DOCK1: variants seen among roughly 807,000 people sequenced by gnomAD.
DOCK1 encodes the protein dedicator of cytokinesis 1, also known as dedicator of cytokinesis protein 1.
In DOCK1, 138 loss-of-function variants were observed where a neutral mutation model predicts 262.7. The ratio of observed to expected loss-of-function variants is 0.53; its 90% CI spans 0.46 to 0.61. The LOEUF (loss-of-function observed/expected upper bound fraction) is 0.61, where lower values mean the gene tolerates loss of function less well. Among genes scored for constraint, DOCK1 ranks in the 20% least tolerant of loss-of-function variants. The pLI, the probability that DOCK1 is intolerant of heterozygous loss-of-function variation, is 0.00. For missense variants in DOCK1, 1,908 were observed against 2,370.7 expected, an observed-to-expected ratio of 0.80 and a Z score of 4.05; for synonymous variants, 866 against 867.4, an observed-to-expected ratio of 1.00 and a Z score of 0.03.
intron 3 of DOCK1, among the ~76,000 whole-genome samples, chr10:126,980,913 T>C (rs2038918642): frequency 1.3e-5 from 2 of 151,868 alleles, no homozygotes; most frequent in Admixed American, 1.3e-4. Context: ...AGTAAGGGAG[T>C]TATTTTGCTT....
intron 1 of DOCK1, among the ~76,000 whole-genome samples, chr10:126,955,592 G>A (rs1256567227): frequency 2.0e-5 from 3 of 152,130 alleles, no homozygotes; most frequent in Non-Finnish European, 4.4e-5. Flanking sequence ...GGGAAGACAG[G>A]CTGGCGCTGT....
At chr10:127,349,873 A>C (rs929546827) in intron 31 of DOCK1, among the ~76,000 whole-genome samples, 21 of 151,436 alleles carry the variant, frequency 1.4e-4, no homozygotes, top group Non-Finnish European at 2.5e-4. Flanking sequence ...GTGTCTCTCA[A>C]TCTCCCTCTC....
chr10:127,174,751 TAAGC>T (rs547839838), intron 27 of DOCK1, among the ~76,000 whole-genome samples: 109 of 152,356 alleles, frequency 7.2e-4, no homozygotes, highest in African/African-American at 2.5e-3. Flanking sequence ...TTATTTATTA[TAAGC>T]AAGTCAGCAT....
intron 1 of DOCK1, among the ~76,000 whole-genome samples, chr10:126,940,624 G>A (rs1199913998): frequency 6.6e-6 from 1 of 152,032 alleles, no homozygotes; most frequent in South Asian, 2.1e-4. Context: ...GGCTAGTCTC[G>A]AACTCCTGAC....
chr10:127,072,381 A>G (rs983231488), intron 23 of DOCK1, among the ~76,000 whole-genome samples: 2 of 152,216 alleles, frequency 1.3e-5, no homozygotes, highest in Non-Finnish European at 2.9e-5. Flanking sequence ...GCAGGCGTGA[A>G]CTCAGTAACC....
chr10:127,034,028 A>T (rs936436639), intron 18 of DOCK1, among the ~76,000 whole-genome samples: 1 of 152,180 alleles, frequency 6.6e-6, no homozygotes, highest in Non-Finnish European at 1.5e-5. Flanking sequence ...CTCCATGAGC[A>T]TATGAAAAGC....
At chr10:127,275,348 G>A (rs1021390750) in intron 29 of DOCK1, among the ~76,000 whole-genome samples, 4 of 152,186 alleles carry the variant, frequency 2.6e-5, no homozygotes, top group South Asian at 2.1e-4. Context: ...TGGCCACATA[G>A]TGGTCACTGC....
At position 127,042,977 on chromosome 10, in the gene DOCK1, AAC is replaced by A. The variant is rs145458827; in HGVS notation, c.2101-83_2101-82del. 7.7e-4 allele frequency: 827 copies of A among 1,079,692 alleles called. 4 individuals carry two copies. In the African/African-American group the frequency reaches 0.011, roughly 15 times the overall value. 66.9% of individuals were successfully genotyped at this position (1,079,692 alleles called of 1,614,324 possible). A position where few individuals can be genotyped will look rare whatever the true frequency, so the allele number is the denominator to read the frequency against. On this transcript the variant is annotated intron_variant, in intron 20 of 51. Coordinates refer to ENST00000623213, the MANE Select transcript of DOCK1 (RefSeq NM_001290223.2). Reference sequence around the variant, plus strand: ...CTGAAAATGTTATGGTTCATATCCTAACACAGGGGTGCAGATGGTTCTGATGA... The same window carrying A: ...CTGAAAATGTTATGGTTCATATCCTAACAGGGGTGCAGATGGTTCTGATGA...
At chr10:127,434,786 G>T (rs2134669624) in intron 48 of DOCK1, among the ~76,000 whole-genome samples, 1 of 151,996 alleles carries the variant, frequency 6.6e-6, no homozygotes, top group African/African-American at 2.4e-5. Flanking sequence ...CCAAGTAGCT[G>T]GGCCTACAGG....
At chr10:127,435,964 C>T (rs2069658432) in intron 48 of DOCK1, among the ~76,000 whole-genome samples, 1 of 152,176 alleles carries the variant, frequency 6.6e-6, no homozygotes, top group Admixed American at 6.5e-5. Flanking sequence ...GATTTCACAA[C>T]CCGGGTCTTC....
chr10:127,147,038 G>C (rs755854157), intron 27 of DOCK1, among the ~76,000 whole-genome samples: 31 of 152,184 alleles, frequency 2.0e-4, no homozygotes, highest in Admixed American at 3.9e-4. Flanking sequence ...TATTGGTGTT[G>C]TAATACATTA....
intron 23 of DOCK1, among the ~76,000 whole-genome samples, chr10:127,089,980 A>C (rs2047420675): frequency 6.6e-6 from 1 of 152,178 alleles, no homozygotes; most frequent in South Asian, 2.1e-4. Context: ...ACATGATGTA[A>C]AATGTTTGTT....
intron 29 of DOCK1, among the ~76,000 whole-genome samples, chr10:127,261,953 T>G (rs2060163939): frequency 2.1e-5 from 3 of 144,028 alleles, no homozygotes; most frequent in African/African-American, 7.9e-5. Context: ...TGTGTGTGTG[T>G]ACCCGTGCTC....
chr10:127,264,629 C>T (rs1451865566), intron 29 of DOCK1, among the ~76,000 whole-genome samples: 1 of 152,024 alleles, frequency 6.6e-6, no homozygotes, highest in Non-Finnish European at 1.5e-5. Flanking sequence ...TGATCCTTGC[C>T]ATTTATCACG....
At position 127,317,059 on chromosome 10, in the gene DOCK1, G is replaced by T. The variant is rs546086350; in HGVS notation, c.3045-21947G>T. 3.4e-5 allele frequency among the ~76,000 whole-genome samples: 5 copies of T among 148,800 alleles called. No homozygotes were observed. In the South Asian group the frequency reaches 1.1e-3, roughly 31 times the overall value. ...TTTCCTGGATTATTTCCCAAAACTT[G>T]ACAGACCTTAGGAAAGCTATTTTTG... On this transcript the variant is annotated intron_variant, in intron 29 of 51. Coordinates refer to ENST00000623213, the MANE Select transcript of DOCK1 (RefSeq NM_001290223.2).
chr10:127,405,134 T>A (rs1347538608), intron 40 of DOCK1, among the ~76,000 whole-genome samples: 2 of 152,236 alleles, frequency 1.3e-5, no homozygotes, highest in African/African-American at 4.8e-5. Flanking sequence ...AATGTGCTGC[T>A]ATGAAGATGT....
Position 127,362,080 on chromosome 10 carries a change from G to A in DOCK1, c.3300G>A (p.Lys1100=). The change falls in exon 33 of 52, where the codon AAG becomes AAA. Residue 1100 remains lysine, a synonymous_variant. Coordinates refer to ENST00000623213, the MANE Select transcript of DOCK1 (RefSeq NM_001290223.2). ...TTTTCCAAGGTCAACACAAGATAAA[G>A]TTCATTCCAGAAATGGTGGGCCCAA... ...MWYNLGQHKI[K]FIPEMVGPIL... 6.2e-7 allele frequency: 1 copy of A among 1,611,000 alleles called. No individual in the cohort carries two copies. Among genetic ancestry groups the A allele is most frequent in the Non-Finnish European group, 8.5e-7 (1 of 1,179,116 alleles).
At chr10:127,303,898 T>A (rs57580049) in intron 29 of DOCK1, among the ~76,000 whole-genome samples, 3 of 152,040 alleles carry the variant, frequency 2.0e-5, no homozygotes, top group African/African-American at 7.3e-5. Flanking sequence ...GAGCATCATG[T>A]AATCGCGATG....
intron 28 of DOCK1, among the ~76,000 whole-genome samples, chr10:127,254,736 T>G (rs1241720392): frequency 5.3e-5 from 8 of 152,224 alleles, no homozygotes. Flanking sequence ...TGGTTACTCC[T>G]TTGGCTGAGC....
Sources: allele counts gnomAD v4.1 joint callset (sites outside exome capture counted in the v4.1 genomes callset), GRCh38; gene constraint gnomAD v4.1.1; transcripts MANE v1.5; gene names NCBI Gene and HGNC (gene_info 2026-07-23, HGNC 2026-07-21).